Variants in SAMD5 observed in about 807,000 individuals in gnomAD.
SAMD5 encodes sterile alpha motif domain-containing protein 5.
A neutral mutation model predicts 11.3 loss-of-function variants in SAMD5; 13 were observed. That is an observed-to-expected ratio of 1.15 (90% confidence interval 0.75 to 1.83). SAMD5 has a LOEUF of 1.83. SAMD5 is among the 40% of genes most tolerant of loss of function. The probability of loss-of-function intolerance (pLI) is 0.00; values close to 1 mark genes in which losing one functional copy is unlikely to be tolerated. For synonymous variants in SAMD5, 129 were observed against 111.3 expected (o/e 1.16, Z -1.00); for missense variants, 255 against 239.1 (o/e 1.07, Z -0.44).
At chr6:147,780,282 G>A in the SAMD5 span, among the ~76,000 whole-genome samples, 1 of 150,982 alleles carries the variant, frequency 6.6e-6, no homozygotes, top group South Asian at 2.1e-4. Flanking sequence ...ATCTTGGCTC[G>A]CTGCAATGTC....
At chr6:147,790,750 CTCTCTTTCTCTCTCTCTCTT>C in the SAMD5 span, among the ~76,000 whole-genome samples, 69 of 72,564 alleles carry the variant, frequency 9.5e-4, 2 homozygotes, top group African/African-American at 3.3e-3. Context: ...CTCTCTCTCT[CTCTCTTTCTCTCTCTCTCTT>C]TCTCTCTCTC....
At chr6:147,906,496 C>A in the SAMD5 span, among the ~76,000 whole-genome samples, 1 of 152,174 alleles carries the variant, frequency 6.6e-6, no homozygotes, top group African/African-American at 2.4e-5. Context: ...AAGAAGAGGG[C>A]CAAGCCTGAA....
At chr6:147,579,124 C>T (rs544369357) in intron 1 of SAMD5, among the ~76,000 whole-genome samples, 176 of 152,336 alleles carry the variant, frequency 1.2e-3, no homozygotes, top group Admixed American at 4.4e-3. Context: ...CTGCATTGGT[C>T]TCTGAGGGAA....
At chr6:147,859,509 C>T in the SAMD5 span, among the ~76,000 whole-genome samples, 5 of 152,160 alleles carry the variant, frequency 3.3e-5, no homozygotes, top group African/African-American at 4.8e-5. Flanking sequence ...ACTTTGTTGG[C>T]TTTCCTTTAT....
chr6:147,827,345 T>C, the SAMD5 span, among the ~76,000 whole-genome samples: 1 of 151,400 alleles, frequency 6.6e-6, no homozygotes, highest in African/African-American at 2.4e-5. Flanking sequence ...AAGGAAGGAA[T>C]AGTAAATAAA....
At chr6:147,783,498 A>G in the SAMD5 span, among the ~76,000 whole-genome samples, 17,395 of 151,632 alleles carry the variant, frequency 0.11, 1,259 homozygotes, top group East Asian at 0.33. Flanking sequence ...GGTTCAAGTG[A>G]TTCTCCTGTC....
At chr6:147,934,665 G>C in the SAMD5 span, among the ~76,000 whole-genome samples, 1 of 152,116 alleles carries the variant, frequency 6.6e-6, no homozygotes, top group Non-Finnish European at 1.5e-5. Flanking sequence ...GATTGAGAGA[G>C]AGAGGGAGCA....
intron 1 of SAMD5, among the ~76,000 whole-genome samples, chr6:147,536,520 G>C (rs1370884484): frequency 6.6e-6 from 1 of 151,928 alleles, no homozygotes; most frequent in African/African-American, 2.4e-5. Context: ...CTTTTTATGA[G>C]AGTCCAAGAA....
At chr6:147,806,304 GC>G in the SAMD5 span, among the ~76,000 whole-genome samples, 83 of 42,978 alleles carry the variant, frequency 1.9e-3, no homozygotes, top group Middle Eastern at 0.024. Context: ...GTGTGCGCAT[GC>G]GCGCGCGCGC....
the SAMD5 span, among the ~76,000 whole-genome samples, chr6:147,824,830 AT>A: frequency 6.6e-6 from 1 of 152,166 alleles, no homozygotes; most frequent in Admixed American, 6.5e-5. Flanking sequence ...TCATTCCTTC[AT>A]TCAGTGCATA....
At chr6:147,697,702 C>T (rs1366328404) in intron 1 of SAMD5, among the ~76,000 whole-genome samples, 3 of 152,024 alleles carry the variant, frequency 2.0e-5, no homozygotes, top group Non-Finnish European at 4.4e-5. Flanking sequence ...TAGGGAGGAG[C>T]AAGGAAACAA....
chr6:147,896,532 G>C, the SAMD5 span, among the ~76,000 whole-genome samples: 2 of 152,076 alleles, frequency 1.3e-5, no homozygotes, highest in Admixed American at 1.3e-4. Context: ...TTTGCCACAT[G>C]ATCTGGCCAG....
rs995404553 is a variant in SAMD5, at chr6:147,565,924, C to T, written c.*1468C>T. Reference sequence around the variant, plus strand: ...TAGTACTGCATTACGGAATCTACTACTTAGAAGAATGTACAAGATGTAAGT... The same window carrying T: ...TAGTACTGCATTACGGAATCTACTATTTAGAAGAATGTACAAGATGTAAGT... On this transcript the variant is annotated 3_prime_UTR_variant, in exon 2 of 2. Coordinates refer to ENST00000367474, the MANE Select transcript of SAMD5 (RefSeq NM_001030060.3). 2 of 985,210 alleles carry T rather than the reference C, an allele frequency of 2.0e-6. No homozygotes were observed. The highest frequency in any genetic ancestry group is 3.5e-5 in the African/African-American group (2 of 57,210). The allele number at this position is 985,210 out of a possible 1,614,324, so 61.0% of individuals were successfully genotyped here.
chr6:147,859,896 C>T, the SAMD5 span, among the ~76,000 whole-genome samples: 1 of 152,140 alleles, frequency 6.6e-6, no homozygotes, highest in Non-Finnish European at 1.5e-5. Flanking sequence ...TATTTAAATA[C>T]AATAGATGTT....
At chr6:147,659,916 C>T (rs888566429) in intron 1 of SAMD5, among the ~76,000 whole-genome samples, 1 of 152,086 alleles carries the variant, frequency 6.6e-6, no homozygotes, top group African/African-American at 2.4e-5. Context: ...CCAGCTTTGT[C>T]GAGAGGGAGG....
chr6:147,846,064 T>G, the SAMD5 span, among the ~76,000 whole-genome samples: 1 of 151,940 alleles, frequency 6.6e-6, no homozygotes, highest in Admixed American at 6.6e-5. Flanking sequence ...GAATGATCGA[T>G]ACACACCATG....
chr6:147,729,833 C>G (rs1193186479), intron 1 of SAMD5: 1 of 456,674 alleles, frequency 2.2e-6, no homozygotes, highest in Admixed American at 2.3e-5. Flanking sequence ...GCCTGTAATC[C>G]CAGCACTTTG....
At chr6:147,573,862 C>A (rs955944394), downstream of SAMD5, among the ~76,000 whole-genome samples, 1 of 152,112 alleles carries the variant, frequency 6.6e-6, no homozygotes, top group Non-Finnish European at 1.5e-5. Context: ...CGGTGGCTCA[C>A]GCCTGTAATT....
chr6:147,719,173 A>G (rs999257880), intron 1 of SAMD5, among the ~76,000 whole-genome samples: 1 of 152,216 alleles, frequency 6.6e-6, no homozygotes, highest in African/African-American at 2.4e-5. Context: ...TATTCTAGAG[A>G]GTCAGAAAGC....
Sources: allele counts gnomAD v4.1 joint callset (sites outside exome capture counted in the v4.1 genomes callset), GRCh38; gene constraint gnomAD v4.1.1; transcripts MANE v1.5; gene names NCBI Gene and HGNC (gene_info 2026-07-23, HGNC 2026-07-21).